PPP1R35: variants seen among roughly 807,000 people sequenced by gnomAD.
PPP1R35 encodes the protein UPF0683 protein C7orf47.
In PPP1R35, 23 loss-of-function variants were observed where a neutral mutation model predicts 22.2. That is an observed-to-expected ratio of 1.04 (90% confidence interval 0.75 to 1.47). PPP1R35 has a LOEUF of 1.47. Among genes scored for constraint, PPP1R35 ranks in the 40% most tolerant of loss-of-function variants. PPP1R35 has a pLI of 0.00. For missense variants in PPP1R35, 409 were observed against 349.6 expected, an observed-to-expected ratio of 1.17 and a Z score of -1.36; for synonymous variants, 198 against 165.7, an observed-to-expected ratio of 1.19 and a Z score of -1.50.
rs748555825 is a variant in PPP1R35, at chr7:100,435,945, G to A, written c.354C>T (p.Ala118=). The part of the protein sequence containing the change: ...SSLALGLELR[A]AAGSHFDAAK... ...CAGCATCAAAGTGGCTCCCGGCTGC[G>A]GCCCGCAGCTCCAGGCCCAAGGCCA... Residue 118 remains alanine, a synonymous_variant, in exon 2 of 4, where the codon GCC becomes GCT. Transcript: ENST00000292330. 107 of 1,592,212 alleles carry A rather than the reference G, an allele frequency of 6.7e-5. No homozygotes were observed. Among genetic ancestry groups the A allele is most frequent in the Non-Finnish European group, 8.5e-5 (100 of 1,174,870 alleles).
In PPP1R35 at chr7:100,435,960, G is replaced by A. The variant is rs762599384; in HGVS notation, c.339C>T (p.Gly113=). ...TCCCGGCTGCGGCCCGCAGCTCCAG[G>A]CCCAAGGCCAGGCTGCTCTTCAGCA... ...MPVLKSSLAL[G]LELRAAAGSH... Residue 113 remains glycine, a synonymous_variant, in exon 2 of 4, where the codon GGC becomes GGT. Transcript: ENST00000292330. 1.3e-5 allele frequency: 20 copies of A among 1,585,890 alleles called. No individual in the cohort carries two copies. The African/African-American group carries it at 2.0e-4, about 16-fold the overall frequency.
At position 100,436,232 on chromosome 7, in the gene PPP1R35, G is replaced by GGGCTCA. The variant is rs759482598; in HGVS notation, c.137_142dup (p.Leu46_Ser47dup). The GGGCTCA allele has an allele frequency of 4.8e-5, 62 of 1,281,824 alleles. No individual in the cohort carries two copies. Among genetic ancestry groups the GGGCTCA allele is most frequent in the Non-Finnish European group, 5.8e-5 (59 of 1,012,074 alleles). 79.4% of individuals were successfully genotyped at this position (1,281,824 alleles called of 1,614,324 possible). ...CCGCGGCTGAGGGCTGTCGGGCCGC[G>GGGCTCA]GGCTCAGGCTCAAGTCCAGGCCGGG... is the stretch of plus-strand genomic sequence containing the variant. On this transcript the variant is annotated inframe_insertion, in exon 1 of 4. Coordinates refer to ENST00000292330, the MANE Select transcript of PPP1R35 (RefSeq NM_145030.4).
chr7:100,435,635 G>A lies in PPP1R35; in HGVS notation c.584C>T (p.Pro195Leu), dbSNP rs754664582. Reference sequence around the variant, plus strand: ...CCCACGCCCAGACCCCATCACCTTTGGGTGCGGGGCTCGAGCCTGTGGCGG... The same window carrying A: ...CCCACGCCCAGACCCCATCACCTTTAGGTGCGGGGCTCGAGCCTGTGGCGG... ...LLPPQARAPH[P>L]KEPPGPGPDM... Residue 195 changes from proline to leucine, a missense_variant, in exon 3 of 4, where the codon CCA (proline) becomes CTA (leucine). Physicochemically the swap from Pro to Leu is moderately conservative, Grantham distance 98. Coordinates refer to ENST00000292330, the MANE Select transcript of PPP1R35 (RefSeq NM_145030.4). 6.2e-7 allele frequency: 1 copy of A among 1,612,608 alleles called. No homozygotes were observed. Among genetic ancestry groups the A allele is most frequent in the African/African-American group, 1.3e-5 (1 of 74,922 alleles).
intron 2 of PPP1R35, 22 bp downstream of exon 2, chr7:100,435,826 G>A: frequency 6.3e-7 from 1 of 1,575,786 alleles, no homozygotes; most frequent in Non-Finnish European, 8.6e-7. Flanking sequence ...CCCGCACGCG[G>A]CCGGCCGCCC....
At chr7:100,436,507 C>T (rs1019047549), upstream of PPP1R35, 293 of 568,974 alleles carry the variant, frequency 5.1e-4, 1 homozygote, top group Non-Finnish European at 1.8e-4. Flanking sequence ...TAACCCTTTC[C>T]TTCGGGGGCG....
In PPP1R35 at chr7:100,435,477, A is replaced by T; in HGVS notation, c.645T>A (p.Phe215Leu). 2 of 1,613,932 alleles carry T rather than the reference A, an allele frequency of 1.2e-6. No individual in the cohort carries two copies. Among genetic ancestry groups the T allele is most frequent in the Non-Finnish European group, 1.7e-6 (2 of 1,179,970 alleles). ...CCAGGGTCAGGTGTGGAGATTCATAAAATAGCGTTTCTGGGTCACACAAGA... is the reference window on the plus strand; with the variant it reads ...CCAGGGTCAGGTGTGGAGATTCATATAATAGCGTTTCTGGGTCACACAAGA... ...MTILCDPETL[F>L]YESPHLTLDG... Residue 215 changes from phenylalanine to leucine, a missense_variant, in exon 4 of 4, where the codon TTT (phenylalanine) becomes TTA (leucine). Coordinates refer to ENST00000292330, the MANE Select transcript of PPP1R35 (RefSeq NM_145030.4).
rs374996724 is a variant in PPP1R35, at chr7:100,435,717, G to A, written c.502C>T (p.Gln168Ter). The change falls in exon 3 of 4, where the codon CAG (glutamine) becomes TAG (stop). Residue 168 changes from glutamine (Q) to a stop codon, truncating the protein, a stop_gained. Coordinates refer to ENST00000292330, the MANE Select transcript of PPP1R35 (RefSeq NM_145030.4). LOFTEE classifies it high-confidence loss of function. Reference sequence around the variant, plus strand: ...TTCAGAACCTGTTCCTCCGGCACCTGCAGGCTCACCAGGTCCCGGAAGAGC... The same window carrying A: ...TTCAGAACCTGTTCCTCCGGCACCTACAGGCTCACCAGGTCCCGGAAGAGC... The part of the protein sequence containing the change: ...KRLFRDLVSL[Q>*]VPEEQVLNAA... The A allele has an allele frequency of 4.4e-6, 7 of 1,603,672 alleles. No individual in the cohort carries two copies. The highest frequency in any genetic ancestry group is 5.9e-6 in the Non-Finnish European group (7 of 1,177,296).
At chr7:100,436,556 C>G (rs1418720922), upstream of PPP1R35, 3 of 415,076 alleles carry the variant, frequency 7.2e-6, no homozygotes, top group African/African-American at 6.2e-5. Context: ...CGCTCCCAGG[C>G]GTCATTTCCC....
Position 100,435,452 on chromosome 7 carries a change from C to T in PPP1R35, c.670G>A (p.Asp224Asn), listed in dbSNP as rs376536304. 3.0e-5 allele frequency: 49 copies of T among 1,613,550 alleles called. No individual in the cohort carries two copies. The highest frequency in any genetic ancestry group is 4.0e-5 in the Non-Finnish European group (47 of 1,179,918). ...TGAAGTCGGAGAGGGGGCAGACCGT[C>T]CAGGGTCAGGTGTGGAGATTCATAA... ...LFYESPHLTL[D>N]GLPPLRLQLR... Residue 224 changes from aspartate to asparagine, a missense_variant, in exon 4 of 4, where the codon GAC (aspartate) becomes AAC (asparagine). Coordinates refer to ENST00000292330, the MANE Select transcript of PPP1R35 (RefSeq NM_145030.4).
In PPP1R35 at chr7:100,435,948, C is replaced by T. The variant is rs773011028; in HGVS notation, c.351G>A (p.Arg117=). 11 of 1,591,516 alleles carry T rather than the reference C, an allele frequency of 6.9e-6. No homozygotes were observed. Among genetic ancestry groups the T allele is most frequent in the East Asian group, 2.3e-5 (1 of 44,266 alleles). Residue 117 remains arginine, a synonymous_variant, in exon 2 of 4, where the codon CGG becomes CGA. Transcript: ENST00000292330. ...KSSLALGLEL[R]AAAGSHFDAA... is the part of the protein sequence containing the mutation. ...CATCAAAGTGGCTCCCGGCTGCGGC[C>T]CGCAGCTCCAGGCCCAAGGCCAGGC...
In PPP1R35 at chr7:100,435,839, C is replaced by T; in HGVS notation, c.451+9G>A. On this transcript the variant is annotated intron_variant, in intron 2 of 3. Transcript: ENST00000292330. ...CTCCCGCACGCGGCCGGCCGCCCGC[C>T]CCCCTCACCCTCGGACACGCTCTCC... The T allele has an allele frequency of 6.3e-7, 1 of 1,583,300 alleles. No individual in the cohort carries two copies. The highest frequency in any genetic ancestry group is 8.5e-7 in the Non-Finnish European group (1 of 1,170,860).
chr7:100,435,739 G>C lies in PPP1R35; in HGVS notation c.480C>G (p.Leu160=). The C allele has an allele frequency of 1.2e-6, 2 of 1,600,888 alleles. No homozygotes were observed. The highest frequency in any genetic ancestry group is 1.7e-6 in the Non-Finnish European group (2 of 1,177,032). The change falls in exon 3 of 4, where the codon CTC becomes CTG. Residue 160 remains leucine, a synonymous_variant. Transcript: ENST00000292330. ...EGLNVPRSKR[L]FRDLVSLQVP... is the part of the protein sequence containing the mutation. The stretch of plus-strand genomic sequence containing the variant: ...CCTGCAGGCTCACCAGGTCCCGGAA[G>C]AGCCGCTTGGAGCGCGGCACGTTCA...
upstream of PPP1R35, chr7:100,436,655 T>G (rs1381668148): frequency 3.1e-6 from 1 of 325,814 alleles, no homozygotes; most frequent in Admixed American, 5.0e-5. Context: ...CTCACAGCCT[T>G]GGCACCGCCC....
In PPP1R35 at chr7:100,436,267, T is replaced by G; in HGVS notation, c.108A>C (p.Pro36=). Residue 36 remains proline, a synonymous_variant, in exon 1 of 4, where the codon CCA becomes CCC. Transcript: ENST00000292330. ...TCAAGTCCAGGCCGGGCTCGGGCAC[T>G]GGGGCTCGGAGTTGCGGGACTTGGG... is the stretch of plus-strand genomic sequence containing the variant. The part of the protein sequence containing the change: ...PEPQVPQLRA[P]VPEPGLDLSL... 7.5e-7 allele frequency: 1 copy of G among 1,334,918 alleles called. No individual in the cohort carries two copies. The highest frequency in any genetic ancestry group is 9.7e-7 in the Non-Finnish European group (1 of 1,035,682). 82.7% of individuals were successfully genotyped at this position (1,334,918 alleles called of 1,614,324 possible).
Position 100,435,706 on chromosome 7 carries a change from C to T in PPP1R35, c.513G>A (p.Glu171=), listed in dbSNP as rs748722737. 8.7e-6 allele frequency: 14 copies of T among 1,605,412 alleles called. No individual in the cohort carries two copies. The highest frequency in any genetic ancestry group is 4.0e-5 in the African/African-American group (3 of 74,928). The part of the protein sequence containing the change: ...FRDLVSLQVP[E]EQVLNAALRE... ...TGAGCGCGGCATTCAGAACCTGTTC[C>T]TCCGGCACCTGCAGGCTCACCAGGT... The change falls in exon 3 of 4, where the codon GAG becomes GAA. Residue 171 remains glutamate (E), a synonymous_variant. Transcript: ENST00000292330.
In PPP1R35 at chr7:100,435,871, C is replaced by A; in HGVS notation, c.428G>T (p.Gly143Val). 1 of 1,595,592 alleles carries A rather than the reference C, an allele frequency of 6.3e-7. No homozygotes were observed. Residue 143 changes from glycine (G) to valine (V), a missense_variant, in exon 2 of 4, where the codon GGC becomes GTC. By Grantham distance (109) the Gly-to-Val change is moderately radical (BLOSUM62 -3). Coordinates refer to ENST00000292330, the MANE Select transcript of PPP1R35 (RefSeq NM_145030.4). Reference sequence around the variant, plus strand: ...ACCCTCGGACACGCTCTCCTCCAGGCCGCAGCGGATCTGGAACGACTTTCT... The same window carrying A: ...ACCCTCGGACACGCTCTCCTCCAGGACGCAGCGGATCTGGAACGACTTTCT... ...QLRKSFQIRC[G>V]LEESVSEGLN...
intron 2 of PPP1R35, 23 bp downstream of exon 2, chr7:100,435,825 G>GGCCGGCC: frequency 1.3e-6 from 2 of 1,576,272 alleles, no homozygotes; most frequent in South Asian, 2.3e-5. Context: ...TCCCGCACGC[G>GGCCGGCC]GCCGGCCGCC....
chr7:100,435,490 G>A lies in PPP1R35; in HGVS notation c.632C>T (p.Pro211Leu), dbSNP rs746608757. Residue 211 changes from proline to leucine, a missense_variant, in exon 4 of 4, where the codon CCA becomes CTA. Pro to Leu is a moderately conservative substitution (Grantham distance 98, BLOSUM62 -3). Coordinates refer to ENST00000292330, the MANE Select transcript of PPP1R35 (RefSeq NM_145030.4). ...PGPDMTILCD[P>L]ETLFYESPHL... The stretch of plus-strand genomic sequence containing the variant: ...TGGAGATTCATAAAATAGCGTTTCT[G>A]GGTCACACAAGATGGTCATGTCTGG... The A allele has an allele frequency of 1.2e-5, 20 of 1,613,860 alleles. No homozygotes were observed. In the Admixed American group the frequency reaches 2.7e-4, roughly 22 times the overall value.
chr7:100,435,842 C>A lies in PPP1R35; in HGVS notation c.451+6G>T. On this transcript the variant is annotated splice_donor_region_variant and intron_variant, in intron 2 of 3. Coordinates refer to ENST00000292330, the MANE Select transcript of PPP1R35 (RefSeq NM_145030.4). ...CCGCACGCGGCCGGCCGCCCGCCCC[C>A]CTCACCCTCGGACACGCTCTCCTCC... The A allele has an allele frequency of 6.3e-7, 1 of 1,585,136 alleles. No homozygotes were observed. The highest frequency in any genetic ancestry group is 8.5e-7 in the Non-Finnish European group (1 of 1,171,658).
Sources: gnomAD v4.1 joint callset for allele counts on GRCh38, gnomAD v4.1.1 for gene constraint, MANE v1.5 for transcripts, NCBI Gene and HGNC (gene_info 2026-07-23, HGNC 2026-07-21) for gene names.